Variants in GRIA1 observed in about 807,000 individuals in gnomAD.
The protein encoded by GRIA1 is glutamate ionotropic receptor AMPA type subunit 1.
Under a neutral mutation model 99.2 loss-of-function variants are expected in GRIA1, and 31 were observed. The observed-to-expected ratio is 0.31, with a 90% confidence interval of 0.23 to 0.42. The LOEUF (loss-of-function observed/expected upper bound fraction) is 0.42. Ranked by LOEUF, GRIA1 falls within the 10% of genes least tolerant of loss-of-function variation. The probability of loss-of-function intolerance (pLI) is 1.00; values close to 1 mark genes in which losing one functional copy is unlikely to be tolerated. For synonymous variants in GRIA1, 438 were observed against 432.4 expected (o/e 1.01, Z -0.16); for missense variants, 782 against 1,157.5 (o/e 0.68, Z 4.71).
At chr5:153,691,129 T>C (rs142076314) in intron 8 of GRIA1, among the ~76,000 whole-genome samples, 5 of 152,264 alleles carry the variant, frequency 3.3e-5, no homozygotes, top group Non-Finnish European at 7.4e-5. Context: ...GTTCTAAGCA[T>C]CCATTCATCA....
Position 153,650,452 on chromosome 5 carries a change from A to T in GRIA1, c.583A>T (p.Lys195Ter). The T allele has an allele frequency of 1.2e-6, 2 of 1,614,008 alleles. No homozygotes were observed. The highest frequency in any genetic ancestry group is 1.7e-6 in the Non-Finnish European group (2 of 1,179,932). Reference protein sequence around the residue: ...YRMLFQDLEKKKERLVVVDCE... With the variant: ...YRMLFQDLEK ...GATGCTCTTTCAGGACCTGGAGAAG[A>T]AAAAGGAGCGGCTGGTGGTGGTGGA... The change falls in exon 4 of 16, where the codon AAA becomes TAA. Residue 195 changes from lysine to a stop codon, truncating the protein, a stop_gained. Coordinates refer to ENST00000285900, the MANE Select transcript of GRIA1 (RefSeq NM_000827.4). LOFTEE classifies it high-confidence loss of function.
At chr5:153,657,798 T>C (rs1226283703) in intron 5 of GRIA1, among the ~76,000 whole-genome samples, 3 of 152,214 alleles carry the variant, frequency 2.0e-5, no homozygotes, top group East Asian at 1.9e-4. Context: ...AGTAGGTTAA[T>C]TTAGGCCCAG....
rs1486904844 is a variant in GRIA1, at chr5:153,811,333, C to T, written c.*108C>T. ...AAAATGAAACGCAACCACCACCAACCACTGCGACCACAAGAAGGATGATTC... is the reference window on the plus strand; with the variant it reads ...AAAATGAAACGCAACCACCACCAACTACTGCGACCACAAGAAGGATGATTC... On this transcript the variant is annotated 3_prime_UTR_variant, in exon 16 of 16. Coordinates refer to ENST00000285900, the MANE Select transcript of GRIA1 (RefSeq NM_000827.4). The T allele has an allele frequency of 7.0e-6, 5 of 710,182 alleles. No homozygotes were observed. In the Middle Eastern group the frequency reaches 1.5e-3, roughly 208 times the overall value. 44.0% of individuals were successfully genotyped at this position (710,182 alleles called of 1,614,324 possible).
intron 11 of GRIA1, among the ~76,000 whole-genome samples, chr5:153,732,241 C>A (rs990916306): frequency 6.7e-6 from 1 of 149,544 alleles, no homozygotes; most frequent in African/African-American, 2.5e-5. Flanking sequence ...GATATGTACC[C>A]AGAAGTGGGA....
intron 2 of GRIA1, among the ~76,000 whole-genome samples, chr5:153,595,455 T>G (rs1177697714): frequency 6.6e-6 from 1 of 152,122 alleles, no homozygotes; most frequent in African/African-American, 2.4e-5. Flanking sequence ...TGGAAAGAAG[T>G]CACTATGTCC....
chr5:153,603,689 A>G (rs1398323533), intron 2 of GRIA1, among the ~76,000 whole-genome samples: 2 of 152,216 alleles, frequency 1.3e-5, no homozygotes, highest in Non-Finnish European at 2.9e-5. Context: ...TATTAGGAGT[A>G]GTGGCCTCAC....
rs561684599 is a variant in GRIA1, at chr5:153,779,708, G to A, written c.2270+9293G>A. Among the ~76,000 whole-genome samples the A allele has an allele frequency of 1.4e-4, 22 of 152,152 alleles. No homozygotes were observed. The South Asian group carries it at 2.9e-3, about 20-fold the overall frequency. On this transcript the variant is annotated intron_variant, in intron 13 of 15. Coordinates refer to ENST00000285900, the MANE Select transcript of GRIA1 (RefSeq NM_000827.4). ...CTCCCGAGTAGCTGGGATTACAGCCGTGCACTACCACACCAAGCTAATTTT... is the reference window on the plus strand; with the variant it reads ...CTCCCGAGTAGCTGGGATTACAGCCATGCACTACCACACCAAGCTAATTTT...
At chr5:153,743,747 G>A (rs12054909) in intron 11 of GRIA1, among the ~76,000 whole-genome samples, 1 of 151,990 alleles carries the variant, frequency 6.6e-6, no homozygotes, top group African/African-American at 2.4e-5. Context: ...ATTAATAAAC[G>A]TAATTACATG....
intron 11 of GRIA1, among the ~76,000 whole-genome samples, chr5:153,743,884 A>T (rs919214484): frequency 6.6e-6 from 1 of 152,192 alleles, no homozygotes; most frequent in African/African-American, 2.4e-5. Context: ...GGGGTGGATA[A>T]TCTCATGCTC....
At chr5:153,680,598 T>A (rs1756907608) in intron 7 of GRIA1, among the ~76,000 whole-genome samples, 2 of 152,058 alleles carry the variant, frequency 1.3e-5, no homozygotes, top group South Asian at 4.1e-4. Context: ...TTAGAATACC[T>A]CCCCTAAATA....
intron 1 of GRIA1, among the ~76,000 whole-genome samples, chr5:153,492,999 G>A (rs1581122835): frequency 6.6e-6 from 1 of 152,310 alleles, no homozygotes; most frequent in East Asian, 1.9e-4. Flanking sequence ...AAACTTCTAT[G>A]TAAACATCAT....
At chr5:153,800,960 C>T (rs779703460) in intron 14 of GRIA1, among the ~76,000 whole-genome samples, 8 of 152,224 alleles carry the variant, frequency 5.3e-5, no homozygotes, top group Non-Finnish European at 8.8e-5. Flanking sequence ...AACTAGCCAA[C>T]GATGGTGTGT....
In GRIA1 at chr5:153,648,235, C is replaced by G. The variant is rs117848182; in HGVS notation, c.460+1068C>G. Among the ~76,000 whole-genome samples, 56 of 152,290 alleles carry G rather than the reference C, an allele frequency of 3.7e-4. No individual in the cohort carries two copies. In the East Asian group the frequency reaches 0.01, roughly 28 times the overall value. Reference sequence around the variant, plus strand: ...GGAACACCCTATTTTCTTTGATTTTCTCTTCACTGTCCCCACTTTGATGAC... The same window carrying G: ...GGAACACCCTATTTTCTTTGATTTTGTCTTCACTGTCCCCACTTTGATGAC... On this transcript the variant is annotated intron_variant, in intron 3 of 15. Transcript: ENST00000285900.
intron 10 of GRIA1, 49 bp downstream of exon 10, chr5:153,699,122 G>T: frequency 1.5e-6 from 2 of 1,350,126 alleles, no homozygotes; most frequent in South Asian, 1.2e-5. Flanking sequence ...CAGAGGGTTT[G>T]ACAGGAAATC....
At chr5:153,649,108 T>C (rs571115688) in intron 3 of GRIA1, among the ~76,000 whole-genome samples, 2 of 152,150 alleles carry the variant, frequency 1.3e-5, no homozygotes, top group Non-Finnish European at 2.9e-5. Flanking sequence ...AGGGGCCATA[T>C]GCCAAGAAAT....
intron 11 of GRIA1, among the ~76,000 whole-genome samples, chr5:153,742,347 T>G (rs1339916871): frequency 6.6e-6 from 1 of 152,226 alleles, no homozygotes; most frequent in Non-Finnish European, 1.5e-5. Flanking sequence ...ACTCACTCTG[T>G]CAGTCGCTGT....
At chr5:153,522,684 A>ACC (rs1479355537) in intron 2 of GRIA1, among the ~76,000 whole-genome samples, 1 of 152,140 alleles carries the variant, frequency 6.6e-6, no homozygotes, top group Non-Finnish European at 1.5e-5. Flanking sequence ...AATAAGCCAC[A>ACC]CCCTGGCTCT....
chr5:153,683,557 C>A (rs1757135503), intron 7 of GRIA1, among the ~76,000 whole-genome samples: 1 of 152,102 alleles, frequency 6.6e-6, no homozygotes, highest in African/African-American at 2.4e-5. Flanking sequence ...TGCAAGGGGT[C>A]CTTGGGTCAC....
intron 8 of GRIA1, among the ~76,000 whole-genome samples, chr5:153,691,213 A>C (rs1459082234): frequency 6.6e-6 from 1 of 152,204 alleles, no homozygotes; most frequent in Admixed American, 6.5e-5. Flanking sequence ...AATCCCGTTC[A>C]AGGATACCAC....
Sources: gnomAD v4.1 joint callset for allele counts (sites outside exome capture counted in the v4.1 genomes callset) on GRCh38, gnomAD v4.1.1 for gene constraint, MANE v1.5 for transcripts, NCBI Gene and HGNC (gene_info 2026-07-23, HGNC 2026-07-21) for gene names.